The following NSG2 variants were observed in gnomAD, a reference collection of about 807,000 sequenced individuals.
The protein encoded by NSG2 is neuronal vesicle trafficking-associated protein 2.
A neutral mutation model predicts 16.9 loss-of-function variants in NSG2; 4 were observed. The observed-to-expected ratio is 0.24, with a 90% CI of 0.12 to 0.54. The LOEUF (loss-of-function observed/expected upper bound fraction) is 0.54, where lower values mean the gene tolerates loss of function less well. Among genes scored for constraint, NSG2 ranks in the 20% least tolerant of loss-of-function variants. NSG2 has a pLI of 0.95. For synonymous variants in NSG2, 98 were observed against 88.7 expected (o/e 1.11, Z -0.59); for missense variants, 179 against 221.1 (o/e 0.81, Z 1.21).
Position 174,072,022 on chromosome 5 carries a change from A to G in NSG2, c.213+7707A>G, listed in dbSNP as rs144622037. Among the ~76,000 whole-genome samples, 553 of 152,300 alleles carry G rather than the reference A, an allele frequency of 3.6e-3. 4 individuals are homozygous for G. The highest frequency in any genetic ancestry group is 0.013 in the African/African-American group (520 of 41,578). ...TTCCCTCCAACACTAACAGGAGAAG[A>G]AGCAGGGAGAAACACAGAAACCAGC... On this transcript the variant is annotated intron_variant, in intron 3 of 4. Transcript: ENST00000303177. The surrounding 1 kb of genome is among the most constrained non-coding windows in gnomAD (Gnocchi z 4.0).
chr5:174,049,196 C>T (rs369009010), intron 2 of NSG2, among the ~76,000 whole-genome samples: 14 of 152,054 alleles, frequency 9.2e-5, no homozygotes, highest in East Asian at 3.9e-4. Flanking sequence ...AAAAATTAGC[C>T]GGGCGTGGTG....
chr5:174,053,360 T>C (rs1281570343), intron 2 of NSG2, among the ~76,000 whole-genome samples: 1 of 151,602 alleles, frequency 6.6e-6, no homozygotes, highest in African/African-American at 2.4e-5. Context: ...ACTGCAGAAT[T>C]GGAGCATGCT....
chr5:174,055,112 A>G (rs949634172), intron 2 of NSG2, among the ~76,000 whole-genome samples: 1 of 152,200 alleles, frequency 6.6e-6, no homozygotes, highest in Non-Finnish European at 1.5e-5. Flanking sequence ...GGCAGCAAGG[A>G]GAGGTGAACA....
At chr5:174,102,638 T>C (rs1054301139) in intron 3 of NSG2, among the ~76,000 whole-genome samples, 9 of 152,104 alleles carry the variant, frequency 5.9e-5, no homozygotes, top group Admixed American at 2.0e-4. Flanking sequence ...CCCACTTTGT[T>C]TGGTGTTGTA....
intron 3 of NSG2, among the ~76,000 whole-genome samples, chr5:174,094,589 T>C (rs1334840258): frequency 6.6e-6 from 1 of 152,164 alleles, no homozygotes; most frequent in Non-Finnish European, 1.5e-5. Context: ...CTAAATACTT[T>C]CCAGAATGCA....
intron 3 of NSG2, among the ~76,000 whole-genome samples, chr5:174,066,989 C>CAAAAA (rs543368373): frequency 7.2e-4 from 20 of 27,926 alleles, no homozygotes; most frequent in South Asian, 1.1e-3. Context: ...GACTCTGTCT[C>CAAAAA]AAAAAAAAAA....
At chr5:174,064,388 TTG>T in intron 3 of NSG2, 73 bp downstream of exon 3, 4 of 967,152 alleles carry the variant, frequency 4.1e-6, no homozygotes, top group Non-Finnish European at 6.4e-6. Context: ...CACCTCGTGC[TTG>T]GAGCAAGTAC....
At chr5:174,106,446 G>A (rs776973230) in intron 4 of NSG2, among the ~76,000 whole-genome samples, 8 of 152,102 alleles carry the variant, frequency 5.3e-5, no homozygotes, top group Non-Finnish European at 8.8e-5. Context: ...GAGTTGCAGA[G>A]AAACCTCCAA....
chr5:174,081,486 T>C (rs1015746466), intron 3 of NSG2: 1 of 152,240 alleles, frequency 6.6e-6, no homozygotes, highest in Non-Finnish European at 1.5e-5. Flanking sequence ...CATTTGGTCA[T>C]GGTGTACCAT....
At chr5:174,083,071 G>A (rs1273480904) in intron 3 of NSG2, among the ~76,000 whole-genome samples, 1 of 152,162 alleles carries the variant, frequency 6.6e-6, no homozygotes, top group East Asian at 1.9e-4. Flanking sequence ...ACACCCTGGG[G>A]CAGGCTGTTC....
At chr5:174,060,693 A>G (rs2113429891) in intron 2 of NSG2, among the ~76,000 whole-genome samples, 1 of 152,238 alleles carries the variant, frequency 6.6e-6, no homozygotes, top group South Asian at 2.1e-4. Flanking sequence ...CTGCATTCCC[A>G]CTGACACTTG....
chr5:174,055,524 G>C (rs1759955186), intron 2 of NSG2, among the ~76,000 whole-genome samples: 1 of 152,168 alleles, frequency 6.6e-6, no homozygotes, highest in Non-Finnish European at 1.5e-5. Flanking sequence ...TGTGAACCCA[G>C]GAGGTGGAGC....
chr5:174,089,395 G>T (rs1760686719), intron 3 of NSG2, among the ~76,000 whole-genome samples: 1 of 152,140 alleles, frequency 6.6e-6, no homozygotes, highest in Non-Finnish European at 1.5e-5. Flanking sequence ...CCCATGAGGT[G>T]GAAGGTAGGA....
chr5:174,078,263 A>T (rs1185988361), intron 3 of NSG2, among the ~76,000 whole-genome samples: 1 of 151,946 alleles, frequency 6.6e-6, no homozygotes, highest in East Asian at 1.9e-4. Context: ...TATGTACAGT[A>T]CACGCACACA....
Position 174,108,057 on chromosome 5 carries a change from C to A in NSG2, c.*552C>A. On this transcript the variant is annotated 3_prime_UTR_variant, in exon 5 of 5. Transcript: ENST00000303177. Reference sequence around the variant, plus strand: ...GGAATGGCCGAGCTGGAGAGAAGAGCTGATTTTGGCATTACTAAGCCCAGA... The same window carrying A: ...GGAATGGCCGAGCTGGAGAGAAGAGATGATTTTGGCATTACTAAGCCCAGA... The A allele has an allele frequency of 3.3e-6, 1 of 298,852 alleles. No homozygotes were observed. The highest frequency in any genetic ancestry group is 6.5e-6 in the Non-Finnish European group (1 of 154,810). The allele number at this position is 298,852 out of a possible 1,614,324, so 18.5% of individuals were successfully genotyped here.
At chr5:174,074,594 G>C (rs1167335188) in intron 3 of NSG2, among the ~76,000 whole-genome samples, 1 of 152,020 alleles carries the variant, frequency 6.6e-6, no homozygotes, top group African/African-American at 2.4e-5. Context: ...AGAAATCTGC[G>C]ATATCTCCCT....
intron 3 of NSG2, among the ~76,000 whole-genome samples, chr5:174,098,911 G>A (rs557137987): frequency 6.6e-6 from 1 of 152,192 alleles, no homozygotes; most frequent in South Asian, 2.1e-4. Flanking sequence ...CGAGGCTCAG[G>A]TTGTTAAATT....
chr5:174,107,246 G>C lies in NSG2; in HGVS notation c.325-68G>C. 7.2e-7 allele frequency: 1 copy of C among 1,385,446 alleles called. No individual in the cohort carries two copies. The highest frequency in any genetic ancestry group is 9.8e-7 in the Non-Finnish European group (1 of 1,021,988). 85.8% of individuals were successfully genotyped at this position (1,385,446 alleles called of 1,614,324 possible). A position where few individuals can be genotyped will look rare whatever the true frequency, so the allele number is the denominator to read the frequency against. The stretch of plus-strand genomic sequence containing the variant: ...ATGCAGCTGCACTCCAGTCAGGGTG[G>C]CTGTGTTGCTGGGCAGGTTGGGAGC... On this transcript the variant is annotated intron_variant, in intron 4 of 4. Transcript: ENST00000303177. The surrounding 1 kb of genome is among the most constrained non-coding windows in gnomAD (Gnocchi z 4.5).
chr5:174,070,148 A>G (rs1760213466), intron 3 of NSG2, among the ~76,000 whole-genome samples: 1 of 151,802 alleles, frequency 6.6e-6, no homozygotes, highest in African/African-American at 2.4e-5. Context: ...CGGCCTCCCA[A>G]AGTTCTGGGA....
Sources: gnomAD v4.1 joint callset for allele counts (sites outside exome capture counted in the v4.1 genomes callset) on GRCh38, gnomAD v4.1.1 for gene constraint, Gnocchi (gnomAD v3.1) non-coding constraint, MANE v1.5 for transcripts, NCBI Gene and HGNC (gene_info 2026-07-23, HGNC 2026-07-21) for gene names.